Variants in PATL2 observed in about 807,000 individuals in gnomAD.
PATL2 encodes PAT1 homolog 2, also known as protein PAT1 homolog 2.
PATL2 carries 73 observed loss-of-function variants against 77.0 expected under a neutral mutation model. The observed-to-expected ratio is 0.95, with a 90% CI of 0.78 to 1.15. The LOEUF (loss-of-function observed/expected upper bound fraction) is 1.15. Ranked by LOEUF, PATL2 falls within the 50% of genes most tolerant of loss-of-function variation. The probability of loss-of-function intolerance (pLI) is 0.00; values close to 1 mark genes in which losing one functional copy is unlikely to be tolerated. For synonymous variants in PATL2, 265 were observed against 257.1 expected (o/e 1.03, Z -0.29); for missense variants, 618 against 655.4 (o/e 0.94, Z 0.62).
At chr15:44,698,052 T>A (rs1322231292) in intron 3 of PATL2, among the ~76,000 whole-genome samples, 1 of 150,490 alleles carries the variant, frequency 6.6e-6, no homozygotes, top group Non-Finnish European at 1.5e-5. Flanking sequence ...TCATTTTGTT[T>A]AATTTTTTTA....
At chr15:44,698,724 G>T (rs2086566079) in intron 3 of PATL2, among the ~76,000 whole-genome samples, 1 of 152,152 alleles carries the variant, frequency 6.6e-6, no homozygotes, top group East Asian at 1.9e-4. Flanking sequence ...ATATCTCTTT[G>T]ATATACTGAT....
At chr15:44,703,114 A>T (rs895229310) in intron 3 of PATL2, among the ~76,000 whole-genome samples, 17 of 152,046 alleles carry the variant, frequency 1.1e-4, no homozygotes. Flanking sequence ...TCTGTACTAA[A>T]AATACAAAAA....
At chr15:44,678,269 T>G (rs1423347021) in intron 3 of PATL2, among the ~76,000 whole-genome samples, 1 of 152,170 alleles carries the variant, frequency 6.6e-6, no homozygotes. Flanking sequence ...CCAGAGGTGA[T>G]TCATTAGGTT....
At position 44,675,581 on chromosome 15, in the gene PATL2, C is replaced by G; in HGVS notation, c.127G>C (p.Glu43Gln). ...TCCAGATCTGGGTCCAGATCCTCCT[C>G]GTCCTCCTCCTCTTCCTCCTCCTCC... The part of the protein sequence containing the change: ...EGEEEEEEED[E>Q]EDLDPDLDPD... The change falls in exon 5 of 18, where the codon GAG becomes CAG. Residue 43 changes from glutamate to glutamine, a missense_variant. Coordinates refer to ENST00000682850, the MANE Select transcript of PATL2 (RefSeq NM_001387263.1). 1 of 1,551,994 alleles carries G rather than the reference C, an allele frequency of 6.4e-7. No homozygotes were observed. The highest frequency in any genetic ancestry group is 8.7e-7 in the Non-Finnish European group (1 of 1,146,968).
At chr15:44,678,528 T>C (rs1460795517) in intron 3 of PATL2, among the ~76,000 whole-genome samples, 3 of 152,200 alleles carry the variant, frequency 2.0e-5, no homozygotes, top group African/African-American at 7.2e-5. Context: ...CATTTCATTA[T>C]GTTAAGTTCA....
chr15:44,677,025 A>G (rs1182126790), intron 3 of PATL2: 2 of 574,356 alleles, frequency 3.5e-6, no homozygotes. Flanking sequence ...ATATGAGAAC[A>G]TAGTTTAATG....
rs566428690 is a variant in PATL2 at position 44,675,549 on chromosome 15, G to GTCTGGGTCCAGA, written c.147_158dup (p.Asp51_Leu54dup). On this transcript the variant is annotated inframe_insertion, in exon 5 of 18. Transcript: ENST00000682850. ...CAAGATCATTCTCTTCCTCCTCTAG[G>GTCTGGGTCCAGA]TCTGGGTCCAGATCTGGGTCCAGAT... The GTCTGGGTCCAGA allele has an allele frequency of 2.6e-6, 4 of 1,551,730 alleles. No individual in the cohort carries two copies. Among genetic ancestry groups the GTCTGGGTCCAGA allele is most frequent in the South Asian group, 1.2e-5 (1 of 84,062 alleles).
rs530672089 is a variant in PATL2 at position 44,694,096 on chromosome 15, T to C, written c.-76+16000A>G. Among the ~76,000 whole-genome samples, 94 of 152,290 alleles carry C rather than the reference T, an allele frequency of 6.2e-4. 1 individual carries two copies. Among genetic ancestry groups the C allele is most frequent in the Admixed American group, 1.2e-3 (18 of 15,282 alleles). ...TTAAGATAAGCAAATTCAATGAATA[T>C]ACATATAAAATAATCCCAATTTTGT... is the stretch of plus-strand genomic sequence containing the variant. On this transcript the variant is annotated intron_variant, in intron 3 of 17. Coordinates refer to ENST00000682850, the MANE Select transcript of PATL2 (RefSeq NM_001387263.1).
Position 44,711,051 on chromosome 15 carries a change from C to A in PATL2, c.-285G>T. ...AATGGAGAAACCCTGCAGGGAATTC[C>A]CAAGCTGTAGTTATAAACAGAAGTT... On this transcript the variant is annotated 5_prime_UTR_variant, in exon 1 of 18. An upstream open reading frame in the 5' UTR gains an earlier in-frame stop. Transcript: ENST00000682850. 1 of 242,872 alleles carries A rather than the reference C, an allele frequency of 4.1e-6. No individual in the cohort carries two copies. The highest frequency in any genetic ancestry group is 8.3e-6 in the Non-Finnish European group (1 of 119,834). The allele number at this position is 242,872 out of a possible 1,614,324, so 15.0% of individuals were successfully genotyped here.
At chr15:44,678,283 G>C (rs1869504395) in intron 3 of PATL2, among the ~76,000 whole-genome samples, 2 of 152,174 alleles carry the variant, frequency 1.3e-5, no homozygotes, top group Admixed American at 1.3e-4. Flanking sequence ...TTAGGTTGTT[G>C]TAGAGACTAG....
intron 3 of PATL2, among the ~76,000 whole-genome samples, chr15:44,700,028 T>C (rs1213208246): frequency 1.3e-5 from 2 of 152,186 alleles, no homozygotes; most frequent in Non-Finnish European, 2.9e-5. Flanking sequence ...TTTCCATTTC[T>C]GTGAAGAATG....
chr15:44,673,221 C>T lies in PATL2; in HGVS notation c.446+14G>A. 1.3e-6 allele frequency: 2 copies of T among 1,550,792 alleles called. No homozygotes were observed. Among genetic ancestry groups the T allele is most frequent in the South Asian group, 1.2e-5 (1 of 84,020 alleles). On this transcript the variant is annotated intron_variant, in intron 7 of 17. Coordinates refer to ENST00000682850, the MANE Select transcript of PATL2 (RefSeq NM_001387263.1). Reference sequence around the variant, plus strand: ...CACCTCCTGAGACCTCTGGGGAGAACCTCAAACCAGTACCTGAACCTAGGG... The same window carrying T: ...CACCTCCTGAGACCTCTGGGGAGAATCTCAAACCAGTACCTGAACCTAGGG...
At chr15:44,678,312 T>C (rs114775861) in intron 3 of PATL2, among the ~76,000 whole-genome samples, 3,090 of 152,308 alleles carry the variant, frequency 0.02, 111 homozygotes, top group African/African-American at 0.071. Flanking sequence ...GAGAAACTTG[T>C]TGCATGAAGA....
chr15:44,670,870 A>G (rs1189017017), intron 9 of PATL2, among the ~76,000 whole-genome samples: 1 of 152,254 alleles, frequency 6.6e-6, no homozygotes, highest in African/African-American at 2.4e-5. Flanking sequence ...TAAGCACAGA[A>G]CTAGCTATAG....
chr15:44,684,336 C>T (rs561983458), intron 3 of PATL2, among the ~76,000 whole-genome samples: 2 of 151,784 alleles, frequency 1.3e-5, no homozygotes, highest in Admixed American at 6.6e-5. Context: ...TGCAAGGAAG[C>T]TAAGAAGCTT....
intron 3 of PATL2, among the ~76,000 whole-genome samples, chr15:44,690,977 C>A (rs779853677): frequency 6.6e-6 from 1 of 151,688 alleles, no homozygotes; most frequent in South Asian, 2.1e-4. Context: ...AAATCTTTGA[C>A]CATGCTTTTT....
chr15:44,689,510 A>G (rs1461976216), intron 3 of PATL2, among the ~76,000 whole-genome samples: 2 of 152,160 alleles, frequency 1.3e-5, no homozygotes, highest in East Asian at 1.9e-4. Context: ...GCACATATAC[A>G]CCATGGAATA....
chr15:44,710,766 G>A (rs1016085437), intron 2 of PATL2, among the ~76,000 whole-genome samples, 105 bp downstream of exon 2: 6 of 152,170 alleles, frequency 3.9e-5, no homozygotes, highest in Admixed American at 1.3e-4. Flanking sequence ...TGTACCTAGA[G>A]GGCGCTGGAA....
chr15:44,689,155 C>G (rs2086329492), intron 3 of PATL2, among the ~76,000 whole-genome samples: 1 of 152,154 alleles, frequency 6.6e-6, no homozygotes, highest in Non-Finnish European at 1.5e-5. Context: ...ATCAAAACCA[C>G]AAAGAGATAC....
Sources: gnomAD v4.1 joint callset for allele counts (sites outside exome capture counted in the v4.1 genomes callset) on GRCh38, gnomAD v4.1.1 for gene constraint, MANE v1.5 for transcripts, NCBI Gene and HGNC (gene_info 2026-07-23, HGNC 2026-07-21) for gene names.